The following SPRED3 variants were observed in gnomAD, a reference collection of about 807,000 sequenced individuals.
SPRED3 encodes sprouty-related, EVH1 domain-containing protein 3.
In SPRED3, 23 loss-of-function variants were observed where a neutral mutation model predicts 37.6. That is an observed-to-expected ratio of 0.61 (90% CI 0.44 to 0.87). The LOEUF is 0.87. Ranked by LOEUF, SPRED3 falls within the 40% of genes least tolerant of loss-of-function variation. The pLI, the probability that SPRED3 is intolerant of heterozygous loss-of-function variation, is 0.00. For synonymous variants in SPRED3, 302 were observed against 279.6 expected (o/e 1.08, Z -0.80); for missense variants, 584 against 618.6 (o/e 0.94, Z 0.59).
chr19:38,391,781 C>G (rs546978411), intron 2 of SPRED3, among the ~76,000 whole-genome samples, 165 bp from the exon 3 acceptor site: 34 of 152,138 alleles, frequency 2.2e-4, no homozygotes, highest in African/African-American at 7.2e-4. Context: ...ACAAGTAAAA[C>G]TGGGGAGTCG....
Position 38,395,725 on chromosome 19 carries a change from C to T in SPRED3, c.813C>T (p.Pro271=). The T allele has an allele frequency of 6.9e-6, 10 of 1,454,066 alleles. No homozygotes were observed. Among genetic ancestry groups the T allele is most frequent in the Non-Finnish European group, 8.1e-6 (9 of 1,114,470 alleles). 90.1% of individuals were successfully genotyped at this position (1,454,066 alleles called of 1,614,324 possible). The change falls in exon 6 of 6, where the codon CCC becomes CCT. Residue 271 remains proline, a synonymous_variant. Transcript: ENST00000691638. The surrounding 1 kb of genome is among the most constrained non-coding windows in gnomAD (Gnocchi z 5.2). Reference sequence around the variant, plus strand: ...CCGAGGCTGCGCCCCCAGCGCCCCCCGCTCGCCCACCCCCCGGCCCGGGCC... The same window carrying T: ...CCGAGGCTGCGCCCCCAGCGCCCCCTGCTCGCCCACCCCCCGGCCCGGGCC... ...PLTEAAPPAP[P]ARPPPGPGPS...
chr19:38,392,472 A>C, intron 4 of SPRED3, 184 bp downstream of exon 4: 1 of 654,308 alleles, frequency 1.5e-6, no homozygotes, highest in Admixed American at 3.5e-5. Flanking sequence ...GTCATGATTC[A>C]CACGTTCATT....
chr19:38,389,083 G>A (rs1214067707), intron 1 of SPRED3, among the ~76,000 whole-genome samples: 1 of 152,234 alleles, frequency 6.6e-6, no homozygotes, highest in African/African-American at 2.4e-5. Context: ...CCCCCCGGGG[G>A]ACACAGGATG....
At position 38,390,410 on chromosome 19, in the gene SPRED3, G is replaced by T; in HGVS notation, c.108G>T (p.Gly36=). The stretch of plus-strand genomic sequence containing the variant: ...AGGTGAGCGTGTGTCGGGTCCGAGG[G>T]GCCAGGCCCGAGGGGGGGGCCCGCC... ...LSQVSVCRVR[G]ARPEGGARQG... The change falls in exon 2 of 6, where the codon GGG becomes GGT. Residue 36 remains glycine, a synonymous_variant. Transcript: ENST00000691638. 1 of 1,395,392 alleles carries T rather than the reference G, an allele frequency of 7.2e-7. No homozygotes were observed. 86.4% of individuals were successfully genotyped at this position (1,395,392 alleles called of 1,614,324 possible). A position where few individuals can be genotyped will look rare whatever the true frequency, so the allele number is the denominator to read the frequency against.
intron 2 of SPRED3, among the ~76,000 whole-genome samples, chr19:38,390,728 C>T (rs116132036): frequency 0.015 from 2,263 of 151,212 alleles, 70 homozygotes; most frequent in African/African-American, 0.053. Flanking sequence ...GCTCCTCCTC[C>T]CCGCTCCAAC....
rs1970893431 is a variant in SPRED3 at position 38,396,006 on chromosome 19, C to T, written c.1094C>T (p.Ala365Val). The T allele has an allele frequency of 7.3e-7, 1 of 1,373,722 alleles. No individual in the cohort carries two copies. The highest frequency in any genetic ancestry group is 1.7e-5 in the South Asian group (1 of 58,854). The allele number at this position is 1,373,722 out of a possible 1,614,324, so 85.1% of individuals were successfully genotyped here. A position where few individuals can be genotyped will look rare whatever the true frequency, so the allele number is the denominator to read the frequency against. The change falls in exon 6 of 6, where the codon GCG becomes GTG. Residue 365 changes from alanine to valine, a missense_variant. Coordinates refer to ENST00000691638, the MANE Select transcript of SPRED3 (RefSeq NM_001394336.1). ...GAGCCGGGCCACCCGCGCCCCGCCG[C>T]GCGCTGGGCCGCGCTGGCCGCGCTC... is the stretch of plus-strand genomic sequence containing the variant. ...ACEPGHPRPA[A>V]RWAALAALSL...
intron 2 of SPRED3, among the ~76,000 whole-genome samples, chr19:38,390,755 G>A (rs1970819585): frequency 6.8e-6 from 1 of 146,464 alleles, no homozygotes; most frequent in East Asian, 2.1e-4. Context: ...CTGTTCCACA[G>A]GGGGCACTGC....
chr19:38,395,906 C>T lies in SPRED3; in HGVS notation c.994C>T (p.Leu332=). 6.6e-7 allele frequency: 1 copy of T among 1,510,330 alleles called. No homozygotes were observed. Among genetic ancestry groups the T allele is most frequent in the Non-Finnish European group, 8.8e-7 (1 of 1,138,444 alleles). 93.6% of individuals were successfully genotyped at this position (1,510,330 alleles called of 1,614,324 possible). Reference sequence around the variant, plus strand: ...CCTCCTGGTGCGCCGTCTAAGCTGCCTGTGGTGCGCCGAGAGCTTGCTCTA... The same window carrying T: ...CCTCCTGGTGCGCCGTCTAAGCTGCTTGTGGTGCGCCGAGAGCTTGCTCTA... ...GRLLVRRLSC[L]WCAESLLYHC... The change falls in exon 6 of 6, where the codon CTG becomes TTG. Residue 332 remains leucine, a synonymous_variant. Transcript: ENST00000691638. This position sits in a 1 kb window ranked among gnomAD's most constrained non-coding sequence, Gnocchi z 5.2.
At position 38,399,371 on chromosome 19, in the gene SPRED3, G is replaced by A. The variant is rs3745956; in HGVS notation, c.*3226G>A. ...AGCCCCCAGGCCCAATTTCCCAGCC[G>A]CTTGCCCCTCAGATCGGATGCTTGG... On this transcript the variant is annotated 3_prime_UTR_variant, in exon 6 of 6. Transcript: ENST00000691638. The A allele has an allele frequency of 0.047, 7,193 of 152,258 alleles. 293 individuals carry two copies. The highest frequency in any genetic ancestry group is 0.12 in the East Asian group (622 of 5,160). The allele number at this position is 152,258 out of a possible 1,614,324, so 9.4% of individuals were successfully genotyped here. A position where few individuals can be genotyped will look rare whatever the true frequency, so the allele number is the denominator to read the frequency against.
In SPRED3 at chr19:38,396,019, G is replaced by T. The variant is rs1378578657; in HGVS notation, c.1107G>T (p.Ala369=). ...GHPRPAARWA[A]LAALSLAVPC... The stretch of plus-strand genomic sequence containing the variant: ...CGCGCCCCGCCGCGCGCTGGGCCGC[G>T]CTGGCCGCGCTCTCCCTGGCAGTGC... The change falls in exon 6 of 6, where the codon GCG becomes GCT. Residue 369 remains alanine, a synonymous_variant. Transcript: ENST00000691638. 4 of 1,372,042 alleles carry T rather than the reference G, an allele frequency of 2.9e-6. No homozygotes were observed. The highest frequency in any genetic ancestry group is 3.7e-6 in the Non-Finnish European group (4 of 1,072,688). 85.0% of individuals were successfully genotyped at this position (1,372,042 alleles called of 1,614,324 possible). A position where few individuals can be genotyped will look rare whatever the true frequency, so the allele number is the denominator to read the frequency against.
At chr19:38,394,326 A>G (rs763348013) in intron 4 of SPRED3, 169 of 1,493,364 alleles carry the variant, frequency 1.1e-4, no homozygotes, top group Non-Finnish European at 1.5e-4. Context: ...AGATCAGGAG[A>G]AGAGTCCCAC....
chr19:38,392,756 G>A (rs1286718209), intron 4 of SPRED3: 1 of 152,194 alleles, frequency 6.6e-6, no homozygotes, highest in Non-Finnish European at 1.5e-5. Flanking sequence ...CATCTCATCT[G>A]TCAGCAAATA....
Position 38,391,993 on chromosome 19 carries a change from G to T in SPRED3, c.225G>T (p.Val75=). Residue 75 remains valine (V), a synonymous_variant, in exon 3 of 6, where the codon GTG becomes GTT. Transcript: ENST00000691638. Reference sequence around the variant, plus strand: ...AGCCAGGCTTGGTTTACAACAAGGTGAATCCCATCTTTCACCACTGGAGCC... The same window carrying T: ...AGCCAGGCTTGGTTTACAACAAGGTTAATCCCATCTTTCACCACTGGAGCC... The part of the protein sequence containing the change: ...TLKPGLVYNK[V]NPIFHHWSLG... 6.2e-7 allele frequency: 1 copy of T among 1,614,162 alleles called. No homozygotes were observed. The highest frequency in any genetic ancestry group is 1.1e-5 in the South Asian group (1 of 91,078).
At chr19:38,394,368 A>G in intron 4 of SPRED3, 1 of 1,584,092 alleles carries the variant, frequency 6.3e-7, no homozygotes, top group Non-Finnish European at 8.6e-7. Flanking sequence ...CAGCTCTCCC[A>G]GTACTTCAGG....
intron 1 of SPRED3, among the ~76,000 whole-genome samples, chr19:38,389,441 C>T (rs1053944283): frequency 1.4e-5 from 2 of 143,100 alleles, no homozygotes. Context: ...CGGAGGGCTA[C>T]GTCCTCTGAG....
chr19:38,390,408 G>A lies in SPRED3; in HGVS notation c.106G>A (p.Gly36Arg), dbSNP rs758854307. 4.3e-6 allele frequency: 6 copies of A among 1,393,634 alleles called. No individual in the cohort carries two copies. In the East Asian group the frequency reaches 1.1e-4, roughly 26 times the overall value. The allele number at this position is 1,393,634 out of a possible 1,614,324, so 86.3% of individuals were successfully genotyped here. The change falls in exon 2 of 6, where the codon GGG becomes AGG. Residue 36 changes from glycine to arginine, a missense_variant. By Grantham distance (125) the Gly-to-Arg change is moderately radical. Around this residue, in one of 7 missense-constraint regions of SPRED3, gnomAD observed 88 missense variants for 77.0 expected, o/e 1.14. Transcript: ENST00000691638. ...LSQVSVCRVR[G>R]ARPEGGARQG... ...CCAGGTGAGCGTGTGTCGGGTCCGA[G>A]GGGCCAGGCCCGAGGGGGGGGCCCG...
intron 1 of SPRED3, chr19:38,389,465 T>A (rs1378015421): frequency 2.4e-5 from 2 of 84,134 alleles, no homozygotes; most frequent in African/African-American, 9.7e-5. Flanking sequence ...GGGGGCGGGG[T>A]AAAATGGTTC....
chr19:38,392,658 A>AAAGTAAAATAAATAT (rs1970847960), intron 4 of SPRED3: 1 of 161,302 alleles, frequency 6.2e-6, no homozygotes, highest in Non-Finnish European at 1.3e-5. Context: ...AAGTAAATGG[A>AAAGTAAAATAAATAT]TGAACAAATT....
rs1031062928 is a variant in SPRED3 at position 38,390,551 on chromosome 19, C to G, written c.177+72C>G. On this transcript the variant is annotated intron_variant, in intron 2 of 5. Transcript: ENST00000691638. The stretch of plus-strand genomic sequence containing the variant: ...AGGGGAGAGGGGCTGGCATGTGGAG[C>G]AGAGGTCAGGTTGCCTCCCAGCCTA... 2.5e-5 allele frequency: 30 copies of G among 1,214,854 alleles called. No homozygotes were observed. In the African/African-American group the frequency reaches 4.6e-4, roughly 19 times the overall value. The allele number at this position is 1,214,854 out of a possible 1,614,324, so 75.3% of individuals were successfully genotyped here.
Sources: gnomAD v4.1 joint callset for allele counts (sites outside exome capture counted in the v4.1 genomes callset) on GRCh38, gnomAD v4.1.1 for gene constraint, gnomAD v4.1.1 regional missense constraint, Gnocchi (gnomAD v3.1) non-coding constraint, MANE v1.5 for transcripts, NCBI Gene and HGNC (gene_info 2026-07-23, HGNC 2026-07-21) for gene names.